The following ATP13A5 variants were observed in gnomAD, a reference collection of about 807,000 sequenced individuals.
ATP13A5 encodes the protein ATPase 13A5, also known as probable cation-transporting ATPase 13A5.
ATP13A5 carries 149 observed loss-of-function variants against 150.2 expected under a neutral mutation model. The ratio of observed to expected loss-of-function variants is 0.99; its 90% CI spans 0.87 to 1.14. The LOEUF is 1.14. ATP13A5 is among the 50% of genes most tolerant of loss of function. ATP13A5 has a pLI of 0.00. For missense variants in ATP13A5, 1,383 were observed against 1,449.3 expected, an observed-to-expected ratio of 0.95 and a Z score of 0.74; for synonymous variants, 497 against 522.2, an observed-to-expected ratio of 0.95 and a Z score of 0.66.
chr3:193,351,866 G>A (rs1449667706), intron 6 of ATP13A5, among the ~76,000 whole-genome samples: 1 of 152,168 alleles, frequency 6.6e-6, no homozygotes, highest in Non-Finnish European at 1.5e-5. Flanking sequence ...CTGGTCGCAT[G>A]AGAATACCTT....
At chr3:193,306,586 A>C (rs1718629052) in intron 22 of ATP13A5, among the ~76,000 whole-genome samples, 1 of 152,154 alleles carries the variant, frequency 6.6e-6, no homozygotes, top group Non-Finnish European at 1.5e-5. Context: ...TAAATCTCTA[A>C]TAAGCTTTGG....
chr3:193,378,294 TAA>T (rs1179010644), intron 1 of ATP13A5, among the ~76,000 whole-genome samples: 1 of 152,172 alleles, frequency 6.6e-6, no homozygotes, highest in Non-Finnish European at 1.5e-5. Flanking sequence ...AGCACGAGAA[TAA>T]AAAAGAGTTC....
chr3:193,364,027 C>G, intron 2 of ATP13A5, 80 bp downstream of exon 2: 1 of 1,411,426 alleles, frequency 7.1e-7, no homozygotes, highest in Non-Finnish European at 9.7e-7. Flanking sequence ...AAATATAATA[C>G]CAGCCACAGA....
chr3:193,369,072 T>C (rs1713351068), intron 1 of ATP13A5, among the ~76,000 whole-genome samples: 1 of 151,816 alleles, frequency 6.6e-6, no homozygotes, highest in South Asian at 2.1e-4. Context: ...AGAAATACGC[T>C]GTCTCTACAA....
At chr3:193,296,628 A>G (rs1382599407) in intron 25 of ATP13A5, among the ~76,000 whole-genome samples, 1 of 151,666 alleles carries the variant, frequency 6.6e-6, no homozygotes, top group Non-Finnish European at 1.5e-5. Context: ...TGATGCCTCC[A>G]GCTTTGTTCT....
rs149534417 is a variant in ATP13A5 at position 193,305,247 on chromosome 3, A to T, written c.2678+312T>A. On this transcript the variant is annotated intron_variant, in intron 23 of 29. Coordinates refer to ENST00000342358, the MANE Select transcript of ATP13A5 (RefSeq NM_198505.4). Reference sequence around the variant, plus strand: ...CCAAAATTCCTGAGAGAAATGTTACAGGAAGCATCCAACATACCAAATAGA... The same window carrying T: ...CCAAAATTCCTGAGAGAAATGTTACTGGAAGCATCCAACATACCAAATAGA... Among the ~76,000 whole-genome samples the T allele has an allele frequency of 3.7e-3, 567 of 152,360 alleles. 4 individuals are homozygous for T. The highest frequency in any genetic ancestry group is 0.013 in the African/African-American group (543 of 41,594).
At chr3:193,339,186 C>A (rs1712017122) in intron 9 of ATP13A5, among the ~76,000 whole-genome samples, 1 of 152,046 alleles carries the variant, frequency 6.6e-6, no homozygotes, top group African/African-American at 2.4e-5. Flanking sequence ...AAAAAATCAG[C>A]TCCCGGATTC....
At chr3:193,342,515 A>ATTAG (rs1712167717) in intron 9 of ATP13A5, among the ~76,000 whole-genome samples, 2 of 152,236 alleles carry the variant, frequency 1.3e-5, no homozygotes, top group Non-Finnish European at 2.9e-5. Context: ...TACTTAAGTT[A>ATTAG]CACAGATATT....
intron 27 of ATP13A5, among the ~76,000 whole-genome samples, chr3:193,280,283 G>C (rs1370976800): frequency 6.6e-6 from 1 of 152,002 alleles, no homozygotes; most frequent in African/African-American, 2.4e-5. Context: ...TCGAACTCCT[G>C]ACCTGCGATC....
chr3:193,378,518 C>T (rs867788067), intron 1 of ATP13A5, 145 bp downstream of exon 1: 2 of 728,382 alleles, frequency 2.7e-6, no homozygotes, highest in South Asian at 3.6e-5. Flanking sequence ...CTTTGCAGCC[C>T]TTAAGGAACC....
rs563419898 is a variant in ATP13A5, at chr3:193,358,988, G to A, written c.536+3393C>T. 2.2e-3 allele frequency among the ~76,000 whole-genome samples: 330 copies of A among 152,196 alleles called. 2 individuals are homozygous for A. The highest frequency in any genetic ancestry group is 7.6e-3 in the African/African-American group (316 of 41,514). ...TAAATGGGCCAAGATCCATAGAACCGTGGATCTGATAATTCCACTTTATTA... is the reference window on the plus strand; with the variant it reads ...TAAATGGGCCAAGATCCATAGAACCATGGATCTGATAATTCCACTTTATTA... On this transcript the variant is annotated intron_variant, in intron 5 of 29. Transcript: ENST00000342358.
intron 1 of ATP13A5, among the ~76,000 whole-genome samples, chr3:193,364,958 A>T (rs936266481): frequency 6.6e-6 from 1 of 152,194 alleles, no homozygotes; most frequent in African/African-American, 2.4e-5. Flanking sequence ...CTGAATAAAG[A>T]TTTGAGATTT....
intron 18 of ATP13A5, among the ~76,000 whole-genome samples, chr3:193,314,533 G>A (rs1206583917): frequency 3.3e-5 from 5 of 152,090 alleles, no homozygotes; most frequent in African/African-American, 9.7e-5. Context: ...AACCATCCAC[G>A]GGATCTGGAA....
intron 5 of ATP13A5, among the ~76,000 whole-genome samples, chr3:193,359,788 A>AGT (rs35992985): frequency 0.049 from 7,475 of 151,218 alleles, 539 homozygotes; most frequent in African/African-American, 0.16. Flanking sequence ...CTTAACCTCA[A>AGT]GTGTGTGTGT....
chr3:193,357,930 C>T (rs1267836652), intron 5 of ATP13A5, among the ~76,000 whole-genome samples: 1 of 151,876 alleles, frequency 6.6e-6, no homozygotes, highest in Non-Finnish European at 1.5e-5. Flanking sequence ...AGGACTTTCT[C>T]TTGGAGGAGG....
At chr3:193,276,927 C>A (rs1377086779) in intron 28 of ATP13A5, 97 bp from the exon 29 acceptor site, 2 of 921,486 alleles carry the variant, frequency 2.2e-6, no homozygotes, top group Non-Finnish European at 3.3e-6. Flanking sequence ...TAATAACTCT[C>A]TGAGCTTAGT....
At chr3:193,306,088 T>C (rs1225416886) in intron 22 of ATP13A5, among the ~76,000 whole-genome samples, 1 of 151,920 alleles carries the variant, frequency 6.6e-6, no homozygotes, top group Non-Finnish European at 1.5e-5. Context: ...GGTGAAAGAA[T>C]TCCTAGGCCG....
At chr3:193,345,139 A>G (rs558788628) in intron 7 of ATP13A5, 64 bp from the exon 8 acceptor site, 1 of 1,402,012 alleles carries the variant, frequency 7.1e-7, no homozygotes, top group African/African-American at 1.4e-5. Context: ...ACATGATCTC[A>G]TTACAGTAAA....
At chr3:193,371,930 A>C (rs981906121) in intron 1 of ATP13A5, among the ~76,000 whole-genome samples, 18 of 152,116 alleles carry the variant, frequency 1.2e-4, no homozygotes, top group Non-Finnish European at 2.4e-4. Flanking sequence ...GGTTCTGCCC[A>C]CACTCAGCTA....
Sources: allele counts gnomAD v4.1 joint callset (sites outside exome capture counted in the v4.1 genomes callset), GRCh38; gene constraint gnomAD v4.1.1; transcripts MANE v1.5; gene names NCBI Gene and HGNC (gene_info 2026-07-23, HGNC 2026-07-21).